The following RPS6KC1 variants were observed in gnomAD, a reference collection of about 807,000 sequenced individuals.
RPS6KC1 encodes the protein ribosomal protein S6 kinase C1.
Under a neutral mutation model 103.8 loss-of-function variants are expected in RPS6KC1, and 54 were observed. The observed-to-expected ratio is 0.52, with a 90% CI of 0.42 to 0.65. The LOEUF (loss-of-function observed/expected upper bound fraction) is 0.65. Among genes scored for constraint, RPS6KC1 ranks in the 30% least tolerant of loss-of-function variants. The pLI, the probability that RPS6KC1 is intolerant of heterozygous loss-of-function variation, is 0.00. For synonymous variants in RPS6KC1, 439 were observed against 438.7 expected, an observed-to-expected ratio of 1.00 and a Z score of -0.01; for missense variants, 1,151 against 1,253.8, an observed-to-expected ratio of 0.92 and a Z score of 1.24.
the RPS6KC1 span, among the ~76,000 whole-genome samples, chr1:213,488,146 T>C: frequency 6.6e-6 from 1 of 152,240 alleles, no homozygotes; most frequent in Non-Finnish European, 1.5e-5. Flanking sequence ...CCTATCTCCT[T>C]GGCAAAAGCC....
the RPS6KC1 span, among the ~76,000 whole-genome samples, chr1:213,623,380 G>T: frequency 6.6e-6 from 1 of 152,110 alleles, no homozygotes. Flanking sequence ...TCAATTTAGT[G>T]AATTGAGTCA....
the RPS6KC1 span, among the ~76,000 whole-genome samples, chr1:213,572,040 T>A: frequency 1.3e-5 from 2 of 152,196 alleles, no homozygotes; most frequent in African/African-American, 4.8e-5. Context: ...GACGTTCTGT[T>A]TAGGCTTCCC....
chr1:213,184,329 C>A (rs1419128778), intron 8 of RPS6KC1, among the ~76,000 whole-genome samples: 2 of 151,880 alleles, frequency 1.3e-5, no homozygotes, highest in Non-Finnish European at 2.9e-5. Context: ...GGTATAGAAA[C>A]CTTCAACAAA....
chr1:213,197,227 G>T (rs2092985349), intron 8 of RPS6KC1, among the ~76,000 whole-genome samples: 1 of 152,090 alleles, frequency 6.6e-6, no homozygotes, highest in Non-Finnish European at 1.5e-5. Context: ...GATGCCTCCA[G>T]ATTTATTCTC....
At chr1:213,379,380 C>T in the RPS6KC1 span, among the ~76,000 whole-genome samples, 2 of 152,116 alleles carry the variant, frequency 1.3e-5, no homozygotes, top group Non-Finnish European at 2.9e-5. Context: ...GAGACAGATA[C>T]ACAGGGAGGG....
rs558955263 is a variant in RPS6KC1 at position 213,053,042 on chromosome 1, C to T, written c.105+1533C>T. Among the ~76,000 whole-genome samples the T allele has an allele frequency of 5.3e-5, 8 of 152,278 alleles. No individual in the cohort carries two copies. The East Asian group carries it at 1.5e-3, about 29-fold the overall frequency. ...GGATGTTTGTTGCTCCCTGCTTGCA[C>T]TTAAGGTTGTTACATGGGTGGAATG... On this transcript the variant is annotated intron_variant, in intron 1 of 14. Coordinates refer to ENST00000366960, the MANE Select transcript of RPS6KC1 (RefSeq NM_012424.6).
chr1:213,193,664 C>G (rs566743414), intron 8 of RPS6KC1, among the ~76,000 whole-genome samples: 216 of 152,138 alleles, frequency 1.4e-3, no homozygotes, highest in Non-Finnish European at 2.8e-3. Context: ...CTGATGGAGT[C>G]TCACTACGTC....
intron 10 of RPS6KC1, among the ~76,000 whole-genome samples, chr1:213,234,957 A>G (rs1191212843): frequency 2.0e-5 from 3 of 152,188 alleles, no homozygotes; most frequent in African/African-American, 4.8e-5. Context: ...ATCTACAGTA[A>G]TTTCTCAGAT....
intron 9 of RPS6KC1, among the ~76,000 whole-genome samples, chr1:213,231,424 G>A (rs1457336535): frequency 1.3e-5 from 2 of 152,188 alleles, no homozygotes; most frequent in Non-Finnish European, 2.9e-5. Context: ...GGAATGGACT[G>A]TGATAGTACA....
At chr1:213,833,747 G>C in the RPS6KC1 span, among the ~76,000 whole-genome samples, 1 of 152,218 alleles carries the variant, frequency 6.6e-6, no homozygotes, top group Non-Finnish European at 1.5e-5. Context: ...TGACGTGTGA[G>C]AGACAGCATG....
the RPS6KC1 span, among the ~76,000 whole-genome samples, chr1:213,384,573 C>T: frequency 0.012 from 1,771 of 152,118 alleles, 19 homozygotes; most frequent in Middle Eastern, 0.044. Context: ...GGGAAGGTGT[C>T]GAGGGCAGGA....
chr1:213,320,040 G>A, the RPS6KC1 span, among the ~76,000 whole-genome samples: 1 of 152,236 alleles, frequency 6.6e-6, no homozygotes, highest in Non-Finnish European at 1.5e-5. Context: ...AGCACAGTCA[G>A]CCTATGTGGT....
At chr1:213,696,719 G>T in the RPS6KC1 span, among the ~76,000 whole-genome samples, 1 of 151,998 alleles carries the variant, frequency 6.6e-6, no homozygotes, top group Non-Finnish European at 1.5e-5. Flanking sequence ...TTAATCAGTT[G>T]AAGGATAGAG....
chr1:213,431,782 G>C, the RPS6KC1 span, among the ~76,000 whole-genome samples: 8 of 151,994 alleles, frequency 5.3e-5, no homozygotes, highest in Admixed American at 3.3e-4. Flanking sequence ...TTGTACATGT[G>C]TTTTAATACA....
At chr1:213,756,242 C>A in the RPS6KC1 span, among the ~76,000 whole-genome samples, 1 of 152,216 alleles carries the variant, frequency 6.6e-6, no homozygotes, top group Admixed American at 6.5e-5. Flanking sequence ...GAGCAAAAGA[C>A]CATGTGCCCA....
chr1:213,666,400 G>A, the RPS6KC1 span, among the ~76,000 whole-genome samples: 2,725 of 152,032 alleles, frequency 0.018, 80 homozygotes, highest in African/African-American at 0.063. Context: ...ATCACCTCCC[G>A]CAGTGCAAAA....
At chr1:213,706,761 A>C in the RPS6KC1 span, among the ~76,000 whole-genome samples, 11 of 151,498 alleles carry the variant, frequency 7.3e-5, no homozygotes, top group African/African-American at 2.2e-4. Context: ...ATATGTTCTC[A>C]TTGTTCAATT....
At chr1:213,082,613 A>T (rs190901509) in intron 3 of RPS6KC1, among the ~76,000 whole-genome samples, 98 of 152,304 alleles carry the variant, frequency 6.4e-4, no homozygotes, top group African/African-American at 2.3e-3. Flanking sequence ...GAAAGTTGAA[A>T]ATGTACTTTG....
chr1:213,560,501 A>C, the RPS6KC1 span, among the ~76,000 whole-genome samples: 1 of 152,276 alleles, frequency 6.6e-6, no homozygotes, highest in South Asian at 2.1e-4. Context: ...GGGACCTCGG[A>C]TATACAATCA....
Sources: gnomAD v4.1 joint callset for allele counts (sites outside exome capture counted in the v4.1 genomes callset) on GRCh38, gnomAD v4.1.1 for gene constraint, MANE v1.5 for transcripts, NCBI Gene and HGNC (gene_info 2026-07-23, HGNC 2026-07-21) for gene names.